Variants in ELOC observed in about 807,000 individuals in gnomAD.
The protein encoded by ELOC is elongin-C.
For missense variants in ELOC, 38 were observed against 139.0 expected (o/e 0.27, Z 3.65); for synonymous variants, 40 against 51.3 (o/e 0.78, Z 0.94).
chr8:73,960,634 AGCAAT>A (rs1325786803), intron 1 of ELOC, among the ~76,000 whole-genome samples: 1 of 152,222 alleles, frequency 6.6e-6, no homozygotes, highest in Non-Finnish European at 1.5e-5. Flanking sequence ...TTTTGAGGTT[AGCAAT>A]GCTCTGTACA....
At chr8:73,954,406 C>T (rs1813996038) in intron 3 of ELOC, among the ~76,000 whole-genome samples, 2 of 152,158 alleles carry the variant, frequency 1.3e-5, no homozygotes, top group East Asian at 1.9e-4. Flanking sequence ...CGCCTGTAAT[C>T]CCAGCACTTT....
intron 3 of ELOC, 110 bp downstream of exon 3, chr8:73,955,801 A>G (rs775773744): frequency 3.3e-6 from 4 of 1,215,188 alleles, no homozygotes; most frequent in Non-Finnish European, 4.7e-6. Flanking sequence ...TCATACAACA[A>G]TGTTAGAAGA....
Position 73,955,894 on chromosome 8 carries a change from GAC to G in ELOC, c.148+15_148+16del, listed in dbSNP as rs769048260. The G allele has an allele frequency of 6.3e-7, 1 of 1,590,090 alleles. No homozygotes were observed. Among genetic ancestry groups the G allele is most frequent in the African/African-American group, 1.4e-5 (1 of 74,068 alleles). ...TTAAAAGTGAATATATGAAGAAAAAGACAGAACTGTGCTTACCTGGGCCACTC... is the reference window on the plus strand; with the variant it reads ...TTAAAAGTGAATATATGAAGAAAAAGAGAACTGTGCTTACCTGGGCCACTC... On this transcript the variant is annotated intron_variant, in intron 3 of 3. Coordinates refer to ENST00000520242, the MANE Select transcript of ELOC (RefSeq NM_005648.4).
intron 1 of ELOC, among the ~76,000 whole-genome samples, chr8:73,968,139 G>C (rs4738403): frequency 0.23 from 35,479 of 152,028 alleles, 4,452 homozygotes; most frequent in Non-Finnish European, 0.29. Flanking sequence ...CTCCACATCT[G>C]AATTTCTACT....
At chr8:73,952,139 T>C (rs928862600) in intron 3 of ELOC, among the ~76,000 whole-genome samples, 24 of 152,038 alleles carry the variant, frequency 1.6e-4, no homozygotes, top group African/African-American at 5.8e-4. Flanking sequence ...GAAAAATAAA[T>C]CACACTTCAA....
At chr8:73,965,717 T>C (rs1814929417) in intron 1 of ELOC, among the ~76,000 whole-genome samples, 1 of 152,218 alleles carries the variant, frequency 6.6e-6, no homozygotes, top group African/African-American at 2.4e-5. Flanking sequence ...TAAAAAAAGA[T>C]AGCATTTCTG....
At chr8:73,962,339 C>T (rs1040134175) in intron 1 of ELOC, among the ~76,000 whole-genome samples, 2 of 152,202 alleles carry the variant, frequency 1.3e-5, no homozygotes, top group African/African-American at 4.8e-5. Flanking sequence ...TCTGACTTCA[C>T]AGCCCACATT....
chr8:73,972,041 C>T (rs1815454046), intron 1 of ELOC, 36 bp downstream of exon 1: 1 of 152,454 alleles, frequency 6.6e-6, no homozygotes, highest in Admixed American at 6.5e-5. Flanking sequence ...TCCACCCTTA[C>T]CCGGAGCTCC....
rs1814466090 is a variant in ELOC, at chr8:73,959,743, AAATT to A, written c.4+18_4+21del. ...TCCAGTTTCTACTAGTTAAAACACAAAATTAATTATCTTTAGCTTACCCATTTTG... is the reference window on the plus strand; with the variant it reads ...TCCAGTTTCTACTAGTTAAAACACAAAATTATCTTTAGCTTACCCATTTTG... On this transcript the variant is annotated intron_variant, in intron 2 of 3. Coordinates refer to ENST00000520242, the MANE Select transcript of ELOC (RefSeq NM_005648.4). 7.8e-6 allele frequency: 12 copies of A among 1,547,254 alleles called. No homozygotes were observed. Among genetic ancestry groups the A allele is most frequent in the Non-Finnish European group, 1.0e-5 (12 of 1,148,438 alleles).
At chr8:73,953,293 G>A (rs1028743844) in intron 3 of ELOC, among the ~76,000 whole-genome samples, 3 of 151,318 alleles carry the variant, frequency 2.0e-5, no homozygotes, top group South Asian at 2.1e-4. Context: ...GTAACAGAGT[G>A]AGACTATCTC....
chr8:73,960,812 T>C (rs187263381), intron 1 of ELOC, among the ~76,000 whole-genome samples: 8 of 152,180 alleles, frequency 5.3e-5, no homozygotes, highest in African/African-American at 1.9e-4. Flanking sequence ...GTAACTTCCA[T>C]GAGAATAAAA....
chr8:73,963,595 A>G (rs1399694728), intron 1 of ELOC, among the ~76,000 whole-genome samples: 1 of 152,244 alleles, frequency 6.6e-6, no homozygotes, highest in Non-Finnish European at 1.5e-5. Flanking sequence ...ACCTAAGTAG[A>G]TAACAGACAC....
intron 1 of ELOC, 178 bp downstream of exon 1, chr8:73,971,899 C>G (rs1265232776): frequency 6.6e-6 from 1 of 152,298 alleles, no homozygotes; most frequent in African/African-American, 2.4e-5. Flanking sequence ...TCCCGCCGCC[C>G]TCTTCTCCCC....
chr8:73,960,895 T>C (rs767858482), intron 1 of ELOC, among the ~76,000 whole-genome samples: 43 of 152,266 alleles, frequency 2.8e-4, no homozygotes, highest in Non-Finnish European at 5.3e-4. Flanking sequence ...GAGTACTGCC[T>C]GAACCCAGGA....
At chr8:73,952,841 C>T (rs767131021) in intron 3 of ELOC, among the ~76,000 whole-genome samples, 3 of 151,464 alleles carry the variant, frequency 2.0e-5, no homozygotes, top group Admixed American at 6.6e-5. Context: ...GGGTCTACTA[C>T]TGAGAATTAA....
At chr8:73,950,954 T>A (rs1488279044) in intron 3 of ELOC, among the ~76,000 whole-genome samples, 2 of 152,016 alleles carry the variant, frequency 1.3e-5, no homozygotes, top group East Asian at 3.9e-4. Flanking sequence ...TCCAAAAAAG[T>A]AGGGATAATG....
intron 3 of ELOC, chr8:73,955,664 C>T: frequency 2.2e-6 from 1 of 452,292 alleles, no homozygotes; most frequent in Non-Finnish European, 4.0e-6. Context: ...TCCAGCTACT[C>T]TGAGGCAGGA....
intron 1 of ELOC, among the ~76,000 whole-genome samples, chr8:73,968,247 A>G (rs1815121986): frequency 6.6e-6 from 1 of 152,198 alleles, no homozygotes; most frequent in Admixed American, 6.5e-5. Flanking sequence ...ATTATGTCCA[A>G]AAGTCCATTC....
rs189821816 is a variant in ELOC at position 73,947,018 on chromosome 8, G to A, written c.149-198C>T. Among the ~76,000 whole-genome samples the A allele has an allele frequency of 9.1e-3, 1,382 of 152,048 alleles. 17 individuals carry two copies. The highest frequency in any genetic ancestry group is 0.014 in the Non-Finnish European group (960 of 67,984). On this transcript the variant is annotated intron_variant, in intron 3 of 3. Transcript: ENST00000520242. ...TTGTTTGTTTGTTTGAGACAGAGTC[G>A]CGCTCTGTCACCCAGGCTGAAGTGC... is the stretch of plus-strand genomic sequence containing the variant.
Sources: gnomAD v4.1 joint callset for allele counts (sites outside exome capture counted in the v4.1 genomes callset) on GRCh38, gnomAD v4.1.1 for gene constraint, MANE v1.5 for transcripts, NCBI Gene and HGNC (gene_info 2026-07-23, HGNC 2026-07-21) for gene names.